The following PTPRF variants were observed in gnomAD, a reference collection of about 807,000 sequenced individuals.
The protein encoded by PTPRF is protein tyrosine phosphatase receptor type F.
A neutral mutation model predicts 201.8 loss-of-function variants in PTPRF; 59 were observed. That is an observed-to-expected ratio of 0.29 (90% CI 0.24 to 0.36). PTPRF has a LOEUF of 0.36. Among genes scored for constraint, PTPRF ranks in the 10% least tolerant of loss-of-function variants. The pLI is 1.00. For missense variants in PTPRF, 2,132 were observed against 2,690.5 expected, an observed-to-expected ratio of 0.79 and a Z score of 4.59; for synonymous variants, 1,088 against 1,089.7, an observed-to-expected ratio of 1.00 and a Z score of 0.03.
chr1:43,545,201 G>A (rs1468501736), intron 3 of PTPRF, 35 bp downstream of exon 3: 2 of 1,547,302 alleles, frequency 1.3e-6, no homozygotes, highest in Admixed American at 2.0e-5. Flanking sequence ...GATCTCCCAG[G>A]TTGAAAGGTG....
chr1:43,607,615 C>G (rs1655440618), intron 21 of PTPRF, among the ~76,000 whole-genome samples: 1 of 152,236 alleles, frequency 6.6e-6, no homozygotes, highest in Non-Finnish European at 1.5e-5. Context: ...CAGTTTAAAA[C>G]CTTTTGATGG....
At chr1:43,583,255 G>A (rs958376912) in intron 7 of PTPRF, among the ~76,000 whole-genome samples, 3 of 152,190 alleles carry the variant, frequency 2.0e-5, no homozygotes, top group African/African-American at 7.2e-5. Flanking sequence ...ACCAGGGATG[G>A]GTGGGCAGAC....
intron 2 of PTPRF, among the ~76,000 whole-genome samples, chr1:43,540,977 G>A (rs1430781227): frequency 3.9e-5 from 6 of 152,264 alleles, no homozygotes; most frequent in South Asian, 2.1e-4. Flanking sequence ...GCCACGCGGT[G>A]AACTGTCCAG....
intron 5 of PTPRF, 29 bp from the exon 6 acceptor site, chr1:43,569,561 C>G (rs373489295): frequency 1.8e-5 from 29 of 1,575,262 alleles, no homozygotes; most frequent in African/African-American, 1.7e-4. Flanking sequence ...AGAGCCAGCC[C>G]TAATACACAC....
At chr1:43,550,020 C>A (rs1162870312) in intron 3 of PTPRF, among the ~76,000 whole-genome samples, 1 of 152,160 alleles carries the variant, frequency 6.6e-6, no homozygotes, top group East Asian at 1.9e-4. Context: ...TAAGGGGCAA[C>A]GCCTTGTCTC....
chr1:43,563,818 CTG>C, intron 5 of PTPRF, among the ~76,000 whole-genome samples: 1 of 152,228 alleles, frequency 6.6e-6, no homozygotes, highest in African/African-American at 2.4e-5. Flanking sequence ...TGGAGTAGGA[CTG>C]AGGTTGGGGA....
chr1:43,595,422 G>A (rs533217050), intron 11 of PTPRF, among the ~76,000 whole-genome samples: 3 of 152,136 alleles, frequency 2.0e-5, no homozygotes, highest in African/African-American at 4.8e-5. Flanking sequence ...GTGTTTCACC[G>A]TGTTAGCCAG....
intron 7 of PTPRF, among the ~76,000 whole-genome samples, chr1:43,587,217 T>C (rs992134295): frequency 7.2e-5 from 11 of 151,816 alleles, no homozygotes; most frequent in African/African-American, 1.2e-4. Flanking sequence ...AAACAGGGAG[T>C]GGCATCAGAT....
At chr1:43,579,252 G>A (rs1441887980) in intron 7 of PTPRF, 5 of 549,338 alleles carry the variant, frequency 9.1e-6, no homozygotes, top group Non-Finnish European at 1.8e-5. Context: ...GTGCATGTGT[G>A]TGTGCACACA....
chr1:43,540,676 C>T (rs1397399045), intron 2 of PTPRF, among the ~76,000 whole-genome samples: 1 of 152,332 alleles, frequency 6.6e-6, no homozygotes, highest in East Asian at 1.9e-4. Flanking sequence ...AAACTGAGAG[C>T]TGCAACAGGG....
chr1:43,577,201 G>T (rs979430817), intron 6 of PTPRF, among the ~76,000 whole-genome samples: 1 of 152,130 alleles, frequency 6.6e-6, no homozygotes, highest in Non-Finnish European at 1.5e-5. Flanking sequence ...ACACCCCCCT[G>T]CCTCACTCAG....
At chr1:43,538,152 TGTG>T (rs1325448557) in intron 1 of PTPRF, 43 bp from the exon 2 acceptor site, 4 of 398,448 alleles carry the variant, frequency 1.0e-5, no homozygotes, top group Non-Finnish European at 1.8e-5. Flanking sequence ...CATATGCTGT[TGTG>T]ATGAAATTCT....
Position 43,591,398 on chromosome 1 carries a change from C to G in PTPRF, c.1376C>G (p.Pro459Arg). Reference protein sequence around the residue: ...VYYTPDSRRPPNAWHKHNTDA... With the variant: ...VYYTPDSRRPRNAWHKHNTDA... ...TATACTCCGGACTCCCGCCGCCCCCCGAACGCCTGGCACAAGCACAACACC... is the reference window on the plus strand; with the variant it reads ...TATACTCCGGACTCCCGCCGCCCCCGGAACGCCTGGCACAAGCACAACACC... The change falls in exon 9 of 34, where the codon CCG becomes CGG. Residue 459 changes from proline to arginine, a missense_variant. Physicochemically the swap from Pro to Arg is moderately radical, Grantham distance 103. Coordinates refer to ENST00000359947, the MANE Select transcript of PTPRF (RefSeq NM_002840.5). The G allele has an allele frequency of 6.4e-7, 1 of 1,565,604 alleles. No homozygotes were observed. Among genetic ancestry groups the G allele is most frequent in the East Asian group, 2.4e-5 (1 of 42,098 alleles).
chr1:43,607,210 T>C (rs1655343171), intron 21 of PTPRF, among the ~76,000 whole-genome samples: 1 of 152,152 alleles, frequency 6.6e-6, no homozygotes, highest in Non-Finnish European at 1.5e-5. Flanking sequence ...CCTCAGAGGG[T>C]TGTCTCATGT....
chr1:43,587,051 A>C (rs1029199454), intron 7 of PTPRF, among the ~76,000 whole-genome samples: 4 of 152,192 alleles, frequency 2.6e-5, no homozygotes, highest in African/African-American at 9.7e-5. Context: ...GCCCACCAGC[A>C]CCTGTCAGGC....
At position 43,597,425 on chromosome 1, in the gene PTPRF, C is replaced by T. The variant is rs532175508; in HGVS notation, c.1814-323C>T. Among the ~76,000 whole-genome samples, 7 of 151,990 alleles carry T rather than the reference C, an allele frequency of 4.6e-5. No homozygotes were observed. In the South Asian group the frequency reaches 8.4e-4, roughly 18 times the overall value. ...GAGACACCCTGTGTGTGTGACACAG[C>T]GTGTGACTGTGTGAGACGTGTGTGA... On this transcript the variant is annotated intron_variant, in intron 11 of 33. Coordinates refer to ENST00000359947, the MANE Select transcript of PTPRF (RefSeq NM_002840.5).
chr1:43,580,951 CCA>C (rs1334539525), intron 7 of PTPRF, among the ~76,000 whole-genome samples: 1 of 152,228 alleles, frequency 6.6e-6, no homozygotes, highest in African/African-American at 2.4e-5. Flanking sequence ...AGAAGAAGGC[CCA>C]GAGGTGGATG....
At chr1:43,562,227 G>A (rs558370466) in intron 5 of PTPRF, among the ~76,000 whole-genome samples, 62 of 152,030 alleles carry the variant, frequency 4.1e-4, no homozygotes, top group Non-Finnish European at 7.5e-4. Context: ...TCCTGCCTCA[G>A]CCTTCCGAGC....
intron 7 of PTPRF, among the ~76,000 whole-genome samples, chr1:43,581,756 C>T (rs1038074691): frequency 1.2e-4 from 18 of 152,356 alleles, no homozygotes; most frequent in South Asian, 4.1e-4. Context: ...GCCTGCACCC[C>T]GTCCCATCTC....
Sources: gnomAD v4.1 joint callset for allele counts (sites outside exome capture counted in the v4.1 genomes callset) on GRCh38, gnomAD v4.1.1 for gene constraint, MANE v1.5 for transcripts, NCBI Gene and HGNC (gene_info 2026-07-23, HGNC 2026-07-21) for gene names.